Variants in SPMAP2L observed in about 807,000 individuals in gnomAD.
The protein encoded by SPMAP2L is sperm microtubule associated protein 2-like.
At chr4:56,538,656 A>C in the SPMAP2L span, among the ~76,000 whole-genome samples, 3 of 152,192 alleles carry the variant, frequency 2.0e-5, no homozygotes, top group African/African-American at 7.2e-5. Context: ...TATAAAAATT[A>C]GCTAGGCATG....
the SPMAP2L span, chr4:56,530,952 C>G: frequency 1.3e-6 from 2 of 1,535,348 alleles, no homozygotes; most frequent in South Asian, 2.4e-5. Context: ...ATGCGCCCCA[C>G]AAGCCCCGGG....
the SPMAP2L span, chr4:56,603,496 A>T: frequency 2.1e-6 from 1 of 481,698 alleles, no homozygotes; most frequent in Admixed American, 3.6e-5. Flanking sequence ...GTTGCTGTTA[A>T]CCTGTCGCTG....
At chr4:56,606,352 G>A in the SPMAP2L span, among the ~76,000 whole-genome samples, 1 of 152,080 alleles carries the variant, frequency 6.6e-6, no homozygotes, top group East Asian at 1.9e-4. Context: ...AAGCTTTATG[G>A]GGATTTTTAT....
chr4:56,552,227 A>G, the SPMAP2L span, among the ~76,000 whole-genome samples: 5 of 152,372 alleles, frequency 3.3e-5, no homozygotes, highest in African/African-American at 1.2e-4. Flanking sequence ...CAAGCCATCT[A>G]CAAATGACCT....
chr4:56,615,392 G>A, the SPMAP2L span, among the ~76,000 whole-genome samples: 1 of 152,190 alleles, frequency 6.6e-6, no homozygotes, highest in African/African-American at 2.4e-5. Flanking sequence ...ATGCCCGCAG[G>A]CACTAAATCA....
At chr4:56,563,195 A>C in the SPMAP2L span, among the ~76,000 whole-genome samples, 1 of 147,794 alleles carries the variant, frequency 6.8e-6, no homozygotes, top group Non-Finnish European at 1.5e-5. Context: ...TGGGTTCAAG[A>C]GATTCTCCTG....
chr4:56,596,989 G>A, the SPMAP2L span, among the ~76,000 whole-genome samples: 461 of 152,310 alleles, frequency 3.0e-3, 1 homozygote, highest in African/African-American at 0.01. Context: ...CTAATCAGGG[G>A]AGACAAACAA....
chr4:56,547,061 C>A, the SPMAP2L span, among the ~76,000 whole-genome samples: 8 of 152,280 alleles, frequency 5.3e-5, no homozygotes, highest in African/African-American at 1.9e-4. Context: ...CCTATAGGAG[C>A]CAAATCACAA....
chr4:56,530,636 G>T, the SPMAP2L span: 2 of 1,516,596 alleles, frequency 1.3e-6, no homozygotes, highest in Non-Finnish European at 1.8e-6. Context: ...GCAACCAGTC[G>T]GGAGGGTGAG....
the SPMAP2L span, among the ~76,000 whole-genome samples, chr4:56,547,802 C>T: frequency 6.6e-6 from 1 of 152,118 alleles, no homozygotes; most frequent in South Asian, 2.1e-4. Flanking sequence ...ATTATAAGGC[C>T]TATGGGATCA....
At chr4:56,611,197 T>C in the SPMAP2L span, among the ~76,000 whole-genome samples, 2 of 152,178 alleles carry the variant, frequency 1.3e-5, no homozygotes, top group African/African-American at 4.8e-5. Flanking sequence ...CCAACCCAAA[T>C]GCCCATCAAT....
At chr4:56,606,846 A>G in the SPMAP2L span, among the ~76,000 whole-genome samples, 1 of 152,156 alleles carries the variant, frequency 6.6e-6, no homozygotes, top group Non-Finnish European at 1.5e-5. Context: ...AATAGTTCTG[A>G]CAAATAAATT....
the SPMAP2L span, among the ~76,000 whole-genome samples, chr4:56,579,541 G>A: frequency 2.0e-5 from 3 of 152,154 alleles, no homozygotes; most frequent in East Asian, 1.9e-4. Flanking sequence ...AAGCTGAAGC[G>A]AGAGAATCAT....
chr4:56,575,416 C>G, the SPMAP2L span: 1 of 1,434,830 alleles, frequency 7.0e-7, no homozygotes, highest in Non-Finnish European at 9.3e-7. Flanking sequence ...ACCTGCTCCC[C>G]TAGGCCTGGG....
the SPMAP2L span, among the ~76,000 whole-genome samples, chr4:56,534,441 A>G: frequency 6.6e-6 from 1 of 152,148 alleles, no homozygotes; most frequent in Admixed American, 6.6e-5. Flanking sequence ...TGAAGTGACC[A>G]ATGGCTTAGT....
the SPMAP2L span, among the ~76,000 whole-genome samples, chr4:56,543,536 A>G: frequency 6.6e-6 from 1 of 152,098 alleles, no homozygotes; most frequent in African/African-American, 2.4e-5. Flanking sequence ...TACTAAAAAT[A>G]CAAAGATTTG....
the SPMAP2L span, chr4:56,594,698 C>A: frequency 1.2e-5 from 16 of 1,344,002 alleles, no homozygotes; most frequent in Non-Finnish European, 1.7e-5. Flanking sequence ...TGCAGTTCAC[C>A]TCAAGGCCAT....
chr4:56,621,390 A>G, the SPMAP2L span, among the ~76,000 whole-genome samples: 4 of 152,216 alleles, frequency 2.6e-5, no homozygotes, highest in African/African-American at 7.2e-5. Context: ...CCCTCTCTGT[A>G]TGACACCATT....
the SPMAP2L span, among the ~76,000 whole-genome samples, chr4:56,612,405 G>A: frequency 2.6e-5 from 4 of 151,534 alleles, no homozygotes; most frequent in East Asian, 1.9e-4. Flanking sequence ...GCAGTGGTGC[G>A]ATCTTGTCTC....
Sources: allele counts gnomAD v4.1 joint callset (sites outside exome capture counted in the v4.1 genomes callset), GRCh38; gene constraint gnomAD v4.1.1; transcripts MANE v1.5; gene names NCBI Gene and HGNC (gene_info 2026-07-23, HGNC 2026-07-21).